Variants in SGCD observed in about 807,000 individuals in gnomAD.
The protein encoded by SGCD is sarcoglycan delta, also known as delta-sarcoglycan.
In SGCD, 18 loss-of-function variants were observed where a neutral mutation model predicts 36.6. The ratio of observed to expected loss-of-function variants is 0.49; its 90% CI spans 0.34 to 0.73. The LOEUF is 0.73. SGCD is among the 30% of genes least tolerant of loss of function. The pLI, the probability that SGCD is intolerant of heterozygous loss-of-function variation, is 0.01. For synonymous variants in SGCD, 133 were observed against 130.6 expected (o/e 1.02, Z -0.12); for missense variants, 387 against 346.7 (o/e 1.12, Z -0.92).
the SGCD span, among the ~76,000 whole-genome samples, chr5:155,783,561 G>A: frequency 4.0e-5 from 6 of 151,152 alleles, no homozygotes; most frequent in African/African-American, 1.5e-4. Context: ...TACAAACTCT[G>A]AAAGCATAGT....
chr5:156,753,644 T>C (rs1757233152), intron 7 of SGCD, among the ~76,000 whole-genome samples: 1 of 152,236 alleles, frequency 6.6e-6, no homozygotes, highest in South Asian at 2.1e-4. Flanking sequence ...AAACTTACAA[T>C]CATGGTGGAA....
At chr5:156,345,886 C>T (rs2055608) in intron 3 of SGCD, among the ~76,000 whole-genome samples, 25,940 of 151,682 alleles carry the variant, frequency 0.17, 2,914 homozygotes, top group African/African-American at 0.32. Context: ...ACTTTCTTGC[C>T]TTTGCTTGTA....
intron 7 of SGCD, among the ~76,000 whole-genome samples, chr5:156,670,999 C>T (rs553160380): frequency 7.9e-5 from 12 of 152,196 alleles, no homozygotes; most frequent in African/African-American, 2.9e-4. Flanking sequence ...TCCCTATTTT[C>T]CATTCCTTCC....
intron 4 of SGCD, among the ~76,000 whole-genome samples, chr5:156,574,549 A>G (rs1759846300): frequency 6.6e-6 from 1 of 152,126 alleles, no homozygotes; most frequent in African/African-American, 2.4e-5. Context: ...TGTGCCTCCA[A>G]AGCCCTAATT....
chr5:156,096,110 G>C (rs1192677054), intron 1 of SGCD, among the ~76,000 whole-genome samples: 6 of 152,162 alleles, frequency 3.9e-5, no homozygotes, highest in Non-Finnish European at 8.8e-5. Flanking sequence ...CTTCAAGGAA[G>C]TTCCCCAGAG....
rs557927173 is a variant in SGCD, at chr5:156,525,906, G to T, written c.294+17204G>T. ...ACTTAACCATATCTGTGGGTTTATT[G>T]CTCAGCTTTCTATTCTGTTCCATTT... On this transcript the variant is annotated intron_variant, in intron 4 of 8. Transcript: ENST00000337851. Among the ~76,000 whole-genome samples the T allele has an allele frequency of 3.3e-5, 5 of 152,026 alleles. No homozygotes were observed. The Middle Eastern group carries it at 0.014, about 414-fold the overall frequency.
chr5:156,617,130 A>G (rs917287157), intron 6 of SGCD, among the ~76,000 whole-genome samples: 2 of 152,306 alleles, frequency 1.3e-5, no homozygotes, highest in South Asian at 2.1e-4. Flanking sequence ...GTTTTGTCTC[A>G]TAGACTTAGA....
At chr5:155,780,112 T>C in the SGCD span, among the ~76,000 whole-genome samples, 1 of 152,188 alleles carries the variant, frequency 6.6e-6, no homozygotes, top group Non-Finnish European at 1.5e-5. Context: ...GTCCATTTTT[T>C]TTTCTAAATG....
chr5:156,410,092 T>C (rs1434033109), intron 3 of SGCD, among the ~76,000 whole-genome samples: 3 of 152,196 alleles, frequency 2.0e-5, no homozygotes, highest in African/African-American at 4.8e-5. Flanking sequence ...AGTTGCCTCA[T>C]GTTGAAGATT....
chr5:155,854,233 A>G, the SGCD span, among the ~76,000 whole-genome samples: 4 of 152,128 alleles, frequency 2.6e-5, no homozygotes, highest in Non-Finnish European at 5.9e-5. Context: ...TTTACTCACT[A>G]GATGCCAGAA....
chr5:156,093,554 G>A (rs1029373890), intron 1 of SGCD, among the ~76,000 whole-genome samples: 6 of 152,112 alleles, frequency 3.9e-5, no homozygotes, highest in Non-Finnish European at 7.3e-5. Context: ...TTAAACTCTC[G>A]TTTGGGCATT....
chr5:155,747,776 T>TC, the SGCD span, among the ~76,000 whole-genome samples: 1 of 152,050 alleles, frequency 6.6e-6, no homozygotes, highest in African/African-American at 2.4e-5. Flanking sequence ...CTGATGCTCC[T>TC]CCCCCCTTAT....
At chr5:156,101,902 C>CTGTGTGTGTGTGTGTG (rs36187985) in intron 1 of SGCD, among the ~76,000 whole-genome samples, 63 of 108,054 alleles carry the variant, frequency 5.8e-4, no homozygotes, top group East Asian at 1.7e-3. Flanking sequence ...GTGTCTCCAG[C>CTGTGTGTGTGTGTGTG]TGTGTGTGTG....
intron 1 of SGCD, among the ~76,000 whole-genome samples, chr5:155,918,768 C>G (rs937721281): frequency 6.6e-6 from 1 of 152,136 alleles, no homozygotes; most frequent in Non-Finnish European, 1.5e-5. Flanking sequence ...ATTTCTGATC[C>G]AGTTTTTCTC....
At chr5:156,117,978 T>C (rs1029026879) in intron 2 of SGCD, 1 of 152,154 alleles carries the variant, frequency 6.6e-6, no homozygotes, top group Non-Finnish European at 1.5e-5. Flanking sequence ...TTCGCTGATA[T>C]CAGTTATGCT....
intron 1 of SGCD, among the ~76,000 whole-genome samples, chr5:155,897,417 T>C (rs1379585420): frequency 6.6e-6 from 1 of 152,222 alleles, no homozygotes; most frequent in Admixed American, 6.5e-5. Flanking sequence ...GACATTACTG[T>C]ACACTACTTC....
intron 3 of SGCD, among the ~76,000 whole-genome samples, chr5:156,192,484 C>T (rs776590804): frequency 7.9e-5 from 12 of 151,760 alleles, no homozygotes; most frequent in Non-Finnish European, 1.5e-4. Flanking sequence ...TATGGGGGTA[C>T]AGGAGGGGAA....
chr5:156,678,092 G>C (rs1221892033), intron 7 of SGCD, among the ~76,000 whole-genome samples: 4 of 152,146 alleles, frequency 2.6e-5, no homozygotes, highest in Non-Finnish European at 5.9e-5. Flanking sequence ...AATTAAGTCA[G>C]AATCTTTAGG....
chr5:156,068,321 G>C (rs919299582), intron 1 of SGCD, among the ~76,000 whole-genome samples: 68 of 150,234 alleles, frequency 4.5e-4, no homozygotes, highest in African/African-American at 1.6e-3. Flanking sequence ...CCCTTCCTGT[G>C]TCCATGTGTT....
Sources: allele counts gnomAD v4.1 joint callset (sites outside exome capture counted in the v4.1 genomes callset), GRCh38; gene constraint gnomAD v4.1.1; transcripts MANE v1.5; gene names NCBI Gene and HGNC (gene_info 2026-07-23, HGNC 2026-07-21).